The following DPH6 variants were observed in gnomAD, a reference collection of about 807,000 sequenced individuals.
DPH6 encodes diphthamine biosynthesis 6.
In DPH6, 33 loss-of-function variants were observed where a neutral mutation model predicts 38.2. The observed-to-expected ratio is 0.86, with a 90% CI of 0.65 to 1.15. The LOEUF is 1.15. Among genes scored for constraint, DPH6 ranks in the 50% most tolerant of loss-of-function variants. DPH6 has a pLI of 0.00. For synonymous variants in DPH6, 108 were observed against 103.0 expected (o/e 1.05, Z -0.30); for missense variants, 325 against 320.0 (o/e 1.02, Z -0.12).
chr15:35,380,095 T>C (rs1418036682), intron 7 of DPH6, among the ~76,000 whole-genome samples: 1 of 152,212 alleles, frequency 6.6e-6, no homozygotes, highest in African/African-American at 2.4e-5. Flanking sequence ...GCTTCCTTTG[T>C]GTTTACAAGG....
At chr15:35,515,722 G>GAAAAAAA (rs61568573) in intron 3 of DPH6, among the ~76,000 whole-genome samples, 1 of 77,948 alleles carries the variant, frequency 1.3e-5, no homozygotes, top group African/African-American at 5.0e-5. Flanking sequence ...CTCCGTCTCA[G>GAAAAAAA]AAAAAAAAAA....
the DPH6 span, among the ~76,000 whole-genome samples, chr15:35,162,930 G>T: frequency 6.6e-6 from 1 of 151,872 alleles, no homozygotes; most frequent in African/African-American, 2.4e-5. Flanking sequence ...AAGCAAATTG[G>T]TCACAACACG....
chr15:35,434,756 A>C (rs556554677), intron 5 of DPH6, among the ~76,000 whole-genome samples: 1 of 152,064 alleles, frequency 6.6e-6, no homozygotes, highest in South Asian at 2.1e-4. Flanking sequence ...ATTACTACTA[A>C]GGCTTTTTTT....
At chr15:35,235,613 C>A (rs1306222363) in intron 3 of DPH6, among the ~76,000 whole-genome samples, 2 of 152,212 alleles carry the variant, frequency 1.3e-5, no homozygotes, top group African/African-American at 4.8e-5. Context: ...CAGTTTCAGG[C>A]TCTTCCTACC....
the DPH6 span, among the ~76,000 whole-genome samples, chr15:35,211,275 G>A: frequency 1.3e-5 from 2 of 152,086 alleles, no homozygotes; most frequent in Admixed American, 6.6e-5. Flanking sequence ...TAGAGACTTT[G>A]CTAAACTTTT....
intron 3 of DPH6, among the ~76,000 whole-genome samples, chr15:35,312,252 A>G (rs2052149467): frequency 6.6e-6 from 1 of 152,202 alleles, no homozygotes; most frequent in Non-Finnish European, 1.5e-5. Context: ...TATTTGCTGA[A>G]TGATTTGTAC....
At chr15:35,172,824 T>G in the DPH6 span, among the ~76,000 whole-genome samples, 2 of 152,146 alleles carry the variant, frequency 1.3e-5, no homozygotes, top group South Asian at 4.1e-4. Flanking sequence ...CCCAAGTAGT[T>G]GGGTCTACAG....
At chr15:35,444,950 G>A (rs1454493960) in intron 5 of DPH6, among the ~76,000 whole-genome samples, 2 of 152,010 alleles carry the variant, frequency 1.3e-5, no homozygotes, top group African/African-American at 4.8e-5. Context: ...CAACAACATG[G>A]GTTATTACTG....
the DPH6 span, among the ~76,000 whole-genome samples, chr15:35,159,942 T>C: frequency 1.3e-5 from 2 of 151,850 alleles, no homozygotes; most frequent in Admixed American, 1.3e-4. Flanking sequence ...AGCAAACTAA[T>C]GTAGAAACAG....
In DPH6 at chr15:35,363,230, C is replaced by T. The variant is rs1007346632; in HGVS notation, n.207+10291G>A. On this transcript the variant is annotated intron_variant and non_coding_transcript_variant, in intron 3 of 3. Transcript: ENST00000558973. ...TTTTAAAATCAATACTTGAAAGAAG[C>T]GTGCAAAAATCTTGAATTATGACTA... Among the ~76,000 whole-genome samples, 19 of 152,078 alleles carry T rather than the reference C, an allele frequency of 1.2e-4. No individual in the cohort carries two copies. In the East Asian group the frequency reaches 2.1e-3, roughly 17 times the overall value.
the DPH6 span, among the ~76,000 whole-genome samples, chr15:35,211,727 T>G: frequency 6.6e-5 from 10 of 152,170 alleles, no homozygotes; most frequent in Non-Finnish European, 1.2e-4. Flanking sequence ...AAGTGGCATG[T>G]TAACATGATG....
chr15:35,356,496 T>C (rs997029553), intron 3 of DPH6, among the ~76,000 whole-genome samples: 7 of 152,204 alleles, frequency 4.6e-5, no homozygotes, highest in African/African-American at 9.6e-5. Flanking sequence ...AGTTTTCATT[T>C]TAACAGTCAG....
At chr15:35,476,678 A>C (rs1489022639) in intron 3 of DPH6, among the ~76,000 whole-genome samples, 1 of 151,798 alleles carries the variant, frequency 6.6e-6, no homozygotes, top group Non-Finnish European at 1.5e-5. Context: ...ATCTATTCTG[A>C]CATTAGTTAG....
chr15:35,495,084 T>C (rs1296854917), intron 3 of DPH6, among the ~76,000 whole-genome samples: 3 of 152,144 alleles, frequency 2.0e-5, no homozygotes, highest in Admixed American at 2.0e-4. Flanking sequence ...ACCAATATAA[T>C]TTGATAGTAT....
chr15:35,152,986 G>A, the DPH6 span, among the ~76,000 whole-genome samples: 1 of 152,152 alleles, frequency 6.6e-6, no homozygotes, highest in African/African-American at 2.4e-5. Context: ...ATGATACAGG[G>A]GTTGGCAAAC....
At chr15:35,335,792 T>C (rs879507524) in intron 3 of DPH6, among the ~76,000 whole-genome samples, 3 of 152,230 alleles carry the variant, frequency 2.0e-5, no homozygotes. Flanking sequence ...TGTGGTCTTG[T>C]AGTATAGTTG....
chr15:35,400,225 A>C (rs917812645), intron 6 of DPH6, among the ~76,000 whole-genome samples: 1 of 152,240 alleles, frequency 6.6e-6, no homozygotes, highest in African/African-American at 2.4e-5. Context: ...AAGAGAAAAA[A>C]TAAAAGTTGT....
chr15:35,157,495 A>G, the DPH6 span, among the ~76,000 whole-genome samples: 2 of 152,094 alleles, frequency 1.3e-5, no homozygotes, highest in African/African-American at 4.8e-5. Flanking sequence ...GAAATTAAGG[A>G]CCCCTATAAT....
At chr15:35,233,768 C>T (rs747043013) in intron 3 of DPH6, among the ~76,000 whole-genome samples, 6 of 152,294 alleles carry the variant, frequency 3.9e-5, no homozygotes, top group East Asian at 3.9e-4. Context: ...CAGCCACTAG[C>T]CTTTTTCCTC....
Sources: gnomAD v4.1 joint callset for allele counts (sites outside exome capture counted in the v4.1 genomes callset) on GRCh38, gnomAD v4.1.1 for gene constraint, MANE v1.5 for transcripts, NCBI Gene and HGNC (gene_info 2026-07-23, HGNC 2026-07-21) for gene names.